PVT1: variants seen among roughly 807,000 people sequenced by gnomAD.
The protein encoded by PVT1 is CXCR4/PVT1 fusion.
intron 4 of PVT1, among the ~76,000 whole-genome samples, chr8:128,063,688 G>A (rs958355978): frequency 6.6e-6 from 1 of 152,250 alleles, no homozygotes; most frequent in Middle Eastern, 3.4e-3. Context: ...GTAGAAAGGA[G>A]CCTGGTGGTT....
chr8:127,899,978 C>T (rs1815738431), intron 3 of PVT1, among the ~76,000 whole-genome samples: 1 of 152,210 alleles, frequency 6.6e-6, no homozygotes, highest in Non-Finnish European at 1.5e-5. Flanking sequence ...AGCACATGCT[C>T]ATGAGGTGGC....
chr8:127,830,838 A>G (rs1563616437), intron 2 of PVT1, among the ~76,000 whole-genome samples: 1 of 151,978 alleles, frequency 6.6e-6, no homozygotes, highest in Non-Finnish European at 1.5e-5. Flanking sequence ...AGGCAGAAAA[A>G]CATGAAAATG....
intron 4 of PVT1, among the ~76,000 whole-genome samples, chr8:128,061,492 T>G (rs1188698298): frequency 6.6e-6 from 1 of 152,224 alleles, no homozygotes; most frequent in African/African-American, 2.4e-5. Flanking sequence ...GGAGGTATGT[T>G]TTCATTTGTC....
chr8:127,930,305 C>T (rs1235858529), intron 3 of PVT1, among the ~76,000 whole-genome samples: 1 of 152,122 alleles, frequency 6.6e-6, no homozygotes, highest in African/African-American at 2.4e-5. Flanking sequence ...TACAGGCATG[C>T]GCCACCAGGT....
intron 3 of PVT1, among the ~76,000 whole-genome samples, chr8:127,935,770 T>G (rs13278957): frequency 0.36 from 55,147 of 152,004 alleles, 10,291 homozygotes; most frequent in East Asian, 0.53. Context: ...TCAAAGTCAG[T>G]TTCTCCTCCG....
At chr8:127,950,874 T>G (rs1290967154) in intron 3 of PVT1, among the ~76,000 whole-genome samples, 1 of 152,202 alleles carries the variant, frequency 6.6e-6, no homozygotes, top group Admixed American at 6.5e-5. Flanking sequence ...CATTGGGCAA[T>G]CATATGGGAA....
At chr8:127,823,561 C>T (rs1814756091) in intron 2 of PVT1, among the ~76,000 whole-genome samples, 1 of 152,148 alleles carries the variant, frequency 6.6e-6, no homozygotes, top group Non-Finnish European at 1.5e-5. Flanking sequence ...AGAATAAGCT[C>T]ATGTTGCTCC....
intron 5 of PVT1, among the ~76,000 whole-genome samples, chr8:128,078,897 C>T (rs1814132129): frequency 6.6e-6 from 1 of 152,144 alleles, no homozygotes; most frequent in African/African-American, 2.4e-5. Flanking sequence ...GCAATTCTCC[C>T]ACCTCAGCAC....
At chr8:127,803,642 A>C (rs1315245179) in intron 2 of PVT1, 1 of 152,042 alleles carries the variant, frequency 6.6e-6, no homozygotes, top group Non-Finnish European at 1.5e-5. Flanking sequence ...TAATCCCATC[A>C]CTTTGGGAGA....
At chr8:127,854,053 C>A (rs1426851322) in intron 2 of PVT1, among the ~76,000 whole-genome samples, 1 of 152,228 alleles carries the variant, frequency 6.6e-6, no homozygotes, top group Non-Finnish European at 1.5e-5. Context: ...GCTGGTATCC[C>A]AGCCATTTCC....
At chr8:128,069,322 C>A (rs577807895) in intron 4 of PVT1, among the ~76,000 whole-genome samples, 1 of 152,232 alleles carries the variant, frequency 6.6e-6, no homozygotes, top group African/African-American at 2.4e-5. Context: ...AGTTAAACTT[C>A]AGTCATTACC....
intron 3 of PVT1, among the ~76,000 whole-genome samples, chr8:127,962,061 G>A (rs192196042): frequency 2.5e-4 from 38 of 152,338 alleles, no homozygotes; most frequent in Admixed American, 9.8e-4. Flanking sequence ...TGCAACCTCC[G>A]CCTCTGGGGT....
intron 5 of PVT1, among the ~76,000 whole-genome samples, chr8:128,090,260 C>A (rs1168698932): frequency 6.6e-6 from 1 of 152,196 alleles, no homozygotes; most frequent in Non-Finnish European, 1.5e-5. Context: ...TTGGGTAACT[C>A]CACGCAAGAC....
At chr8:127,830,857 G>A (rs2129696931) in intron 2 of PVT1, among the ~76,000 whole-genome samples, 1 of 152,186 alleles carries the variant, frequency 6.6e-6, no homozygotes, top group South Asian at 2.1e-4. Context: ...TGCAAGACTG[G>A]CCTAGCCTCT....
At chr8:127,847,883 G>T (rs1331671065) in intron 2 of PVT1, among the ~76,000 whole-genome samples, 4 of 152,106 alleles carry the variant, frequency 2.6e-5, no homozygotes, top group Non-Finnish European at 4.4e-5. Flanking sequence ...ACTGGGTTAG[G>T]GAGGAAGATG....
chr8:127,989,266 G>T (rs1817003751), exon 4 of PVT1: 1 of 152,112 alleles, frequency 6.6e-6, no homozygotes, highest in African/African-American at 2.4e-5. Context: ...CCTAAAGCTG[G>T]AGTATTTTGA....
chr8:127,839,113 A>G (rs1020587757), intron 2 of PVT1, among the ~76,000 whole-genome samples: 4 of 152,314 alleles, frequency 2.6e-5, no homozygotes, highest in Admixed American at 2.6e-4. Context: ...TGTTCGCACA[A>G]CGAAATTGCC....
chr8:127,903,560 T>A (rs967966885), intron 3 of PVT1, among the ~76,000 whole-genome samples: 2 of 152,238 alleles, frequency 1.3e-5, no homozygotes, highest in Non-Finnish European at 2.9e-5. Flanking sequence ...TTTTATAGTT[T>A]GAAGTCTTAA....
intron 2 of PVT1, among the ~76,000 whole-genome samples, chr8:127,869,390 C>T (rs887743147): frequency 7.2e-5 from 11 of 152,170 alleles, no homozygotes; most frequent in Non-Finnish European, 1.3e-4. Flanking sequence ...CTCCTCCTCT[C>T]AAAGTGCTGG....
Sources: gnomAD v4.1 joint callset for allele counts (sites outside exome capture counted in the v4.1 genomes callset) on GRCh38, gnomAD v4.1.1 for gene constraint, MANE v1.5 for transcripts, NCBI Gene and HGNC (gene_info 2026-07-23, HGNC 2026-07-21) for gene names.